The following QSOX1 variants were observed in gnomAD, a reference collection of about 807,000 sequenced individuals.
The protein encoded by QSOX1 is sulfhydryl oxidase 1.
QSOX1 carries 40 observed loss-of-function variants against 76.1 expected under a neutral mutation model. That is an observed-to-expected ratio of 0.53 (90% CI 0.41 to 0.68). The LOEUF is 0.68. Ranked by LOEUF, QSOX1 falls within the 30% of genes least tolerant of loss-of-function variation. The probability of loss-of-function intolerance (pLI) is 0.00; values close to 1 mark genes in which losing one functional copy is unlikely to be tolerated. For synonymous variants in QSOX1, 392 were observed against 413.1 expected (o/e 0.95, Z 0.62); for missense variants, 931 against 974.3 (o/e 0.96, Z 0.59).
At chr1:180,159,058 GC>G in intron 1 of QSOX1, among the ~76,000 whole-genome samples, 1 of 152,274 alleles carries the variant, frequency 6.6e-6, no homozygotes, top group East Asian at 1.9e-4. Flanking sequence ...TCCAGACCAA[GC>G]CCCCAGTGGG....
In QSOX1 at chr1:180,155,066, G is replaced by A. The variant is rs1662341526; in HGVS notation, c.159G>A (p.Ala53=). The change falls in exon 1 of 12, where the codon GCG becomes GCA. Residue 53 remains alanine (A), a synonymous_variant. Transcript: ENST00000367602. Reference sequence around the variant, plus strand: ...TGCAGGCGGACACGGTGCGCGGCGCGGTGCTGGGCTCCCGCAGCGCCTGGG... The same window carrying A: ...TGCAGGCGGACACGGTGCGCGGCGCAGTGCTGGGCTCCCGCAGCGCCTGGG... ...TLLQADTVRG[A]VLGSRSAWAV... 1.3e-6 allele frequency: 2 copies of A among 1,514,366 alleles called. No homozygotes were observed. The highest frequency in any genetic ancestry group is 1.8e-6 in the Non-Finnish European group (2 of 1,137,968). 93.8% of individuals were successfully genotyped at this position (1,514,366 alleles called of 1,614,324 possible). A position where few individuals can be genotyped will look rare whatever the true frequency, so the allele number is the denominator to read the frequency against.
chr1:180,171,492 C>G (rs1662759155), intron 2 of QSOX1, among the ~76,000 whole-genome samples: 2 of 152,196 alleles, frequency 1.3e-5, no homozygotes, highest in African/African-American at 2.4e-5. Flanking sequence ...TCAGGAAGAA[C>G]CAGGAGTCTA....
At chr1:180,176,578 G>A (rs781051199) in intron 4 of QSOX1, among the ~76,000 whole-genome samples, 3 of 152,202 alleles carry the variant, frequency 2.0e-5, no homozygotes, top group Admixed American at 6.5e-5. Flanking sequence ...CTCTGTATCT[G>A]TCAGCCAGGC....
At chr1:180,170,726 A>G (rs899166132) in intron 2 of QSOX1, among the ~76,000 whole-genome samples, 6 of 152,248 alleles carry the variant, frequency 3.9e-5, no homozygotes, top group Admixed American at 1.3e-4. Flanking sequence ...TGGTTGACTT[A>G]ATAAGGATAC....
chr1:180,190,794 CT>C (rs1017218997), intron 10 of QSOX1, among the ~76,000 whole-genome samples: 7 of 152,192 alleles, frequency 4.6e-5, no homozygotes, highest in African/African-American at 1.4e-4. Flanking sequence ...AGGGAGCAGA[CT>C]TTAGGAATTC....
chr1:180,176,950 A>G (rs1386999613), intron 4 of QSOX1, among the ~76,000 whole-genome samples: 1 of 152,144 alleles, frequency 6.6e-6, no homozygotes, highest in Admixed American at 6.5e-5. Context: ...TTGGGGTTGA[A>G]TCCAACTCAC....
intron 5 of QSOX1, among the ~76,000 whole-genome samples, 173 bp downstream of exon 5, chr1:180,179,057 C>T (rs538329923): frequency 2.0e-5 from 3 of 152,348 alleles, no homozygotes; most frequent in South Asian, 2.1e-4. Context: ...TGGACCTTTG[C>T]GTTTCAAAAC....
Position 180,189,564 on chromosome 1 carries a change from C to T in QSOX1, c.1030C>T (p.Arg344Trp), listed in dbSNP as rs773523866. The T allele has an allele frequency of 1.7e-5, 28 of 1,612,116 alleles. No homozygotes were observed. Among genetic ancestry groups the T allele is most frequent in the East Asian group, 2.2e-5 (1 of 44,808 alleles). The change falls in exon 9 of 12, where the codon CGG becomes TGG. Residue 344 changes from arginine to tryptophan, a missense_variant. Coordinates refer to ENST00000367602, the MANE Select transcript of QSOX1 (RefSeq NM_002826.5). The part of the protein sequence containing the change: ...VAVLAKYFPG[R>W]PLVQNFLHSV... ...TTCCTCCCCACAGTATTTCCCTGGCCGGCCCTTAGTCCAGAACTTCCTGCA... is the reference window on the plus strand; with the variant it reads ...TTCCTCCCCACAGTATTTCCCTGGCTGGCCCTTAGTCCAGAACTTCCTGCA...
chr1:180,197,012 GC>G lies in QSOX1; in HGVS notation c.2221del (p.His741MetfsTer55). On this transcript the variant is annotated frameshift_variant, in exon 12 of 12. Coordinates refer to ENST00000367602, the MANE Select transcript of QSOX1 (RefSeq NM_002826.5). LOFTEE classifies it high-confidence loss of function. The part of the protein sequence containing the change: ...YFQAKIRALK[G>X]HAGHPAA ...CAGGCCAAGATAAGGGCCCTGAAGG[GC>G]CATGCTGGCCACCCTGCAGCCTGAA... The G allele has an allele frequency of 6.2e-7, 1 of 1,611,134 alleles. No homozygotes were observed. The highest frequency in any genetic ancestry group is 8.5e-7 in the Non-Finnish European group (1 of 1,178,664).
chr1:180,182,076 C>G (rs1663051185), intron 5 of QSOX1, 98 bp from the exon 6 acceptor site: 1 of 1,245,574 alleles, frequency 8.0e-7, no homozygotes, highest in African/African-American at 1.5e-5. Context: ...AGGAGCACAG[C>G]TGCCATCTGG....
At position 180,197,745 on chromosome 1, in the gene QSOX1, C is replaced by A. The variant is rs1663537206; in HGVS notation, c.*708C>A. 1 of 280,580 alleles carries A rather than the reference C, an allele frequency of 3.6e-6. No individual in the cohort carries two copies. Among genetic ancestry groups the A allele is most frequent in the Non-Finnish European group, 6.9e-6 (1 of 145,138 alleles). The allele number at this position is 280,580 out of a possible 1,614,324, so 17.4% of individuals were successfully genotyped here. A position where few individuals can be genotyped will look rare whatever the true frequency, so the allele number is the denominator to read the frequency against. ...AGGATGTGGGTCTCTAGTGCCTTGCCCTGGCTTAGCTGCAGGAGAAGATGG... is the reference window on the plus strand; with the variant it reads ...AGGATGTGGGTCTCTAGTGCCTTGCACTGGCTTAGCTGCAGGAGAAGATGG... On this transcript the variant is annotated 3_prime_UTR_variant, in exon 12 of 12. Coordinates refer to ENST00000367602, the MANE Select transcript of QSOX1 (RefSeq NM_002826.5).
At chr1:180,166,273 C>T (rs1662616213) in intron 1 of QSOX1, among the ~76,000 whole-genome samples, 1 of 152,220 alleles carries the variant, frequency 6.6e-6, no homozygotes, top group Non-Finnish European at 1.5e-5. Context: ...TTATGCTAAT[C>T]ATCCAAAACA....
intron 2 of QSOX1, among the ~76,000 whole-genome samples, chr1:180,173,552 A>G (rs1160261947): frequency 1.3e-5 from 2 of 152,224 alleles, no homozygotes; most frequent in African/African-American, 4.8e-5. Flanking sequence ...TAAAGCAGTG[A>G]GCAGGAGTAA....
At position 180,200,624 on chromosome 1, in the gene QSOX1, T is replaced by TC. The variant is rs1353942017; in HGVS notation, c.*3589dup. 1 of 152,204 alleles carries TC rather than the reference T, an allele frequency of 6.6e-6. No individual in the cohort carries two copies. The highest frequency in any genetic ancestry group is 1.5e-5 in the Non-Finnish European group (1 of 68,038). The allele number at this position is 152,204 out of a possible 1,614,324, so 9.4% of individuals were successfully genotyped here. A position where few individuals can be genotyped will look rare whatever the true frequency, so the allele number is the denominator to read the frequency against. ...CACTCATTTAAATCTCATTTAATCC[T>TC]CCAACAACGCAAGATGAAGAAGCTG... is the stretch of plus-strand genomic sequence containing the variant. On this transcript the variant is annotated 3_prime_UTR_variant, in exon 12 of 12. Coordinates refer to ENST00000367602, the MANE Select transcript of QSOX1 (RefSeq NM_002826.5).
At chr1:180,167,532 C>A (rs1164502265) in intron 2 of QSOX1, among the ~76,000 whole-genome samples, 2 of 152,180 alleles carry the variant, frequency 1.3e-5, no homozygotes, top group Non-Finnish European at 1.5e-5. Context: ...CAGCAGCATC[C>A]ATCCGGGAAG....
chr1:180,161,657 T>G (rs1259450864), intron 1 of QSOX1, among the ~76,000 whole-genome samples: 1 of 152,212 alleles, frequency 6.6e-6, no homozygotes, highest in Non-Finnish European at 1.5e-5. Context: ...AAACTATAGA[T>G]AGCTTAAAAG....
intron 8 of QSOX1, among the ~76,000 whole-genome samples, chr1:180,188,542 C>T (rs1444654179): frequency 6.6e-6 from 1 of 152,200 alleles, no homozygotes; most frequent in Non-Finnish European, 1.5e-5. Context: ...TTCCAGAGGC[C>T]CGTGTGGGCT....
rs80203913 is a variant in QSOX1, at chr1:180,154,993, C to T, written c.86C>T (p.Ala29Val). The T allele has an allele frequency of 2.3e-3, 3,514 of 1,509,542 alleles. 68 individuals carry two copies. The African/African-American group carries it at 0.042, about 18-fold the overall frequency. The allele number at this position is 1,509,542 out of a possible 1,614,324, so 93.5% of individuals were successfully genotyped here. ...CTGCTCGCGGTTCCCGGCGCTAACG[C>T]GGCCCCGCGGTCGGCGCTCTATTCG... is the stretch of plus-strand genomic sequence containing the variant. ...LWLLAVPGAN[A>V]APRSALYSPS... Residue 29 changes from alanine (A) to valine (V), a missense_variant, in exon 1 of 12, where the codon GCG (alanine) becomes GTG (valine). Physicochemically the swap from Ala to Val is moderately conservative, Grantham distance 64. Transcript: ENST00000367602.
intron 1 of QSOX1, among the ~76,000 whole-genome samples, chr1:180,156,677 G>A (rs867194629): frequency 6.6e-5 from 10 of 152,296 alleles, no homozygotes; most frequent in Middle Eastern, 6.8e-3. Context: ...TGCCTCACTG[G>A]TCCCATTAGC....
Sources: allele counts gnomAD v4.1 joint callset (sites outside exome capture counted in the v4.1 genomes callset), GRCh38; gene constraint gnomAD v4.1.1; transcripts MANE v1.5; gene names NCBI Gene and HGNC (gene_info 2026-07-23, HGNC 2026-07-21).